CDCP1: variants seen among roughly 807,000 people sequenced by gnomAD.
CDCP1 encodes CUB domain-containing protein 1.
A neutral mutation model predicts 60.2 loss-of-function variants in CDCP1; 29 were observed. The ratio of observed to expected loss-of-function variants is 0.48; its 90% CI spans 0.36 to 0.66. The LOEUF is 0.66. CDCP1 is among the 30% of genes least tolerant of loss of function. The pLI is 0.00. For synonymous variants in CDCP1, 387 were observed against 431.1 expected (o/e 0.90, Z 1.27); for missense variants, 876 against 1,074.3 (o/e 0.82, Z 2.58).
At chr3:45,116,904 A>G (rs1439481866) in intron 2 of CDCP1, among the ~76,000 whole-genome samples, 1 of 152,198 alleles carries the variant, frequency 6.6e-6, no homozygotes, top group Admixed American at 6.5e-5. Context: ...CGTTATACAC[A>G]GTCTCTTACA....
At chr3:45,088,184 T>C (rs889299340) in intron 8 of CDCP1, among the ~76,000 whole-genome samples, 8 of 152,302 alleles carry the variant, frequency 5.3e-5, no homozygotes, top group Admixed American at 5.2e-4. Context: ...ATTTTCCTTT[T>C]ATAAAATAGA....
intron 1 of CDCP1, among the ~76,000 whole-genome samples, chr3:45,129,348 T>C (rs186457558): frequency 2.6e-5 from 4 of 152,302 alleles, no homozygotes; most frequent in African/African-American, 9.6e-5. Context: ...AATCACACCG[T>C]ATCGGTGAAG....
chr3:45,140,133 T>C (rs1240769600), intron 1 of CDCP1, among the ~76,000 whole-genome samples: 1 of 152,216 alleles, frequency 6.6e-6, no homozygotes, highest in African/African-American at 2.4e-5. Flanking sequence ...TTGCCAAGAA[T>C]TGAAGAAGCC....
At chr3:45,128,507 A>C (rs1253039134) in intron 1 of CDCP1, among the ~76,000 whole-genome samples, 2 of 152,214 alleles carry the variant, frequency 1.3e-5, no homozygotes. Context: ...ATAGTCTACT[A>C]TTTCCACAGC....
rs936453018 is a variant in CDCP1 at position 45,097,762 on chromosome 3, G to A, written c.1025-2194C>T. Among the ~76,000 whole-genome samples the A allele has an allele frequency of 7.7e-4, 118 of 152,264 alleles. 1 individual carries two copies. Among genetic ancestry groups the A allele is most frequent in the African/African-American group, 2.1e-3 (86 of 41,558 alleles). On this transcript the variant is annotated intron_variant, in intron 4 of 8. Transcript: ENST00000296129. ...CGGTGTCAAATTAGTAGCACAATTA[G>A]GAAAATGTTTTATGGCTGTCATATC...
At chr3:45,111,942 ACTT>A in intron 3 of CDCP1, 138 bp downstream of exon 3, 1 of 1,075,278 alleles carries the variant, frequency 9.3e-7, no homozygotes, top group Non-Finnish European at 1.3e-6. Context: ...GACCCATGTC[ACTT>A]ATAAGAGAGC....
Position 45,146,378 on chromosome 3 carries a change from T to G in CDCP1, c.-91A>C, listed in dbSNP as rs940249577. Reference sequence around the variant, plus strand: ...AGCCCGGCGCAGCTGCGCTCCGCCCTGGCTCACTCACCTGCGCGCGGGCGG... The same window carrying G: ...AGCCCGGCGCAGCTGCGCTCCGCCCGGGCTCACTCACCTGCGCGCGGGCGG... On this transcript the variant is annotated 5_prime_UTR_variant, in exon 1 of 9. Coordinates refer to ENST00000296129, the MANE Select transcript of CDCP1 (RefSeq NM_022842.5). 4.3e-6 allele frequency: 5 copies of G among 1,158,958 alleles called. No individual in the cohort carries two copies. Among genetic ancestry groups the G allele is most frequent in the Non-Finnish European group, 5.8e-6 (5 of 857,158 alleles). The allele number at this position is 1,158,958 out of a possible 1,614,324, so 71.8% of individuals were successfully genotyped here.
rs142170844 is a variant in CDCP1, at chr3:45,105,915, T to C, written c.1024+4558A>G. Among the ~76,000 whole-genome samples, 327 of 152,292 alleles carry C rather than the reference T, an allele frequency of 2.1e-3. 4 individuals are homozygous for C. Among genetic ancestry groups the C allele is most frequent in the Admixed American group, 0.019 (290 of 15,304 alleles). The stretch of plus-strand genomic sequence containing the variant: ...AAGATTTGTGTGGTAGAGGTGAACA[T>C]GAACTGAGCTCTCAGACACCCGTGG... On this transcript the variant is annotated intron_variant, in intron 4 of 8. Coordinates refer to ENST00000296129, the MANE Select transcript of CDCP1 (RefSeq NM_022842.5).
At position 45,125,394 on chromosome 3, in the gene CDCP1, G is replaced by A. The variant is rs776362361; in HGVS notation, c.83-6773C>T. ...ATCAAACTGTCTAGGGTCAATTCCCGGCACTACCACTCACCCAGATGTGCT... is the reference window on the plus strand; with the variant it reads ...ATCAAACTGTCTAGGGTCAATTCCCAGCACTACCACTCACCCAGATGTGCT... On this transcript the variant is annotated intron_variant, in intron 1 of 8. Transcript: ENST00000296129. Among the ~76,000 whole-genome samples the A allele has an allele frequency of 8.2e-4, 124 of 152,048 alleles. 3 individuals carry two copies. Among genetic ancestry groups the A allele is most frequent in the Admixed American group, 9.8e-4 (15 of 15,260 alleles).
At chr3:45,130,716 T>G (rs1349423591) in intron 1 of CDCP1, among the ~76,000 whole-genome samples, 2 of 152,240 alleles carry the variant, frequency 1.3e-5, no homozygotes, top group Non-Finnish European at 2.9e-5. Flanking sequence ...ATCTGAACCC[T>G]AAGTGCAGTG....
In CDCP1 at chr3:45,097,275, C is replaced by G. The variant is rs577619052; in HGVS notation, c.1025-1707G>C. ...TGAGCCGAGATCCCGCTATTTCACT[C>G]CAGCCTAGGCAATAGAGCAAGACTC... On this transcript the variant is annotated intron_variant, in intron 4 of 8. Transcript: ENST00000296129. Among the ~76,000 whole-genome samples the G allele has an allele frequency of 4.6e-4, 69 of 151,352 alleles. No homozygotes were observed. The South Asian group carries it at 0.014, about 32-fold the overall frequency.
At chr3:45,143,601 T>C (rs1363607498) in intron 1 of CDCP1, among the ~76,000 whole-genome samples, 1 of 152,218 alleles carries the variant, frequency 6.6e-6, no homozygotes, top group Non-Finnish European at 1.5e-5. Context: ...ATAGATAATT[T>C]TTTTCCATTT....
At chr3:45,108,967 T>TTTTTTG (rs1698638468) in intron 4 of CDCP1, among the ~76,000 whole-genome samples, 1 of 111,322 alleles carries the variant, frequency 9.0e-6, no homozygotes, top group Admixed American at 9.6e-5. Flanking sequence ...TTTTTTTTTT[T>TTTTTTG]GAGATGGAGT....
Position 45,118,305 on chromosome 3 carries a change from ATC to A in CDCP1, c.292+105_292+106del, listed in dbSNP as rs1698827000. 4.8e-6 allele frequency: 4 copies of A among 838,790 alleles called. No individual in the cohort carries two copies. The South Asian group carries it at 6.3e-5, about 13-fold the overall frequency. The allele number at this position is 838,790 out of a possible 1,614,324, so 52.0% of individuals were successfully genotyped here. A position where few individuals can be genotyped will look rare whatever the true frequency, so the allele number is the denominator to read the frequency against. On this transcript the variant is annotated intron_variant, in intron 2 of 8. Transcript: ENST00000296129. ...AAAAAACTGTAGAGTTTCAGAATAG[ATC>A]TTAGCTCTCTAGCATTAGAGACTGA... is the stretch of plus-strand genomic sequence containing the variant.
chr3:45,085,730 T>G lies in CDCP1; in HGVS notation c.2419A>C (p.Thr807Pro), dbSNP rs760085041. The change falls in exon 9 of 9, where the codon ACC (threonine) becomes CCC (proline). Residue 807 changes from threonine to proline, a missense_variant. By Grantham distance (38) the Thr-to-Pro change is conservative. Transcript: ENST00000296129. This position sits in a 1 kb window ranked among gnomAD's most constrained non-coding sequence, Gnocchi z 4.2. ...SPPESESEPYTFSHPNNGDVS... is the reference protein window; with the variant it reads ...SPPESESEPYPFSHPNNGDVS... ...TCCCCATTGTTGGGATGGGAGAAGG[T>G]GTACGGTTCACTCTCAGACTCAGGA... 1.3e-4 allele frequency: 208 copies of G among 1,613,936 alleles called. No homozygotes were observed. The highest frequency in any genetic ancestry group is 1.6e-4 in the Non-Finnish European group (189 of 1,180,004).
Position 45,110,647 on chromosome 3 carries a change from A to G in CDCP1, c.850T>C (p.Tyr284His). The G allele has an allele frequency of 6.2e-7, 1 of 1,614,174 alleles. No individual in the cohort carries two copies. The highest frequency in any genetic ancestry group is 8.5e-7 in the Non-Finnish European group (1 of 1,180,024). ...CERKEERVEY[Y>H]IPGSTTNPEV... ...GGGTTGGTGGTGGAGCCCGGGATGT[A>G]GTATTCAACCCGCTCCTCCTTCCTC... Residue 284 changes from tyrosine to histidine, a missense_variant, in exon 4 of 9, where the codon TAC (tyrosine) becomes CAC (histidine). Tyr to His is a moderately conservative substitution (Grantham distance 83). Transcript: ENST00000296129.
At chr3:45,099,052 C>T (rs1381068220) in intron 4 of CDCP1, among the ~76,000 whole-genome samples, 1 of 151,852 alleles carries the variant, frequency 6.6e-6, no homozygotes, top group African/African-American at 2.4e-5. Flanking sequence ...ATCTCCTTCA[C>T]TGTTATCATG....
rs1215979985 is a variant in CDCP1 at position 45,126,120 on chromosome 3, T to TTCTC, written c.83-7500_83-7499insGAGA. Among the ~76,000 whole-genome samples the TTCTC allele has an allele frequency of 1.5e-3, 182 of 117,582 alleles. 2 individuals are homozygous for TTCTC. In the East Asian group the frequency reaches 0.035, roughly 23 times the overall value. 77.1% of individuals were successfully genotyped at this position (117,582 alleles called of 152,430 possible). A position where few individuals can be genotyped will look rare whatever the true frequency, so the allele number is the denominator to read the frequency against. ...TCTTTGTCTCTCTCTCTTTCTTTCT[T>TTCTC]TCTTTCTTTCTTTCTTTCTTTCTTT... is the stretch of plus-strand genomic sequence containing the variant. On this transcript the variant is annotated intron_variant, in intron 1 of 8. Coordinates refer to ENST00000296129, the MANE Select transcript of CDCP1 (RefSeq NM_022842.5).
chr3:45,093,133 A>G (rs1483842325), intron 6 of CDCP1, 144 bp downstream of exon 6: 11 of 876,414 alleles, frequency 1.3e-5, no homozygotes, highest in African/African-American at 3.4e-5. Context: ...AGGACTCACT[A>G]TCTTTCAAAT....
Sources: allele counts gnomAD v4.1 joint callset (sites outside exome capture counted in the v4.1 genomes callset), GRCh38; gene constraint gnomAD v4.1.1; non-coding constraint Gnocchi (gnomAD v3.1); transcripts MANE v1.5; gene names NCBI Gene and HGNC (gene_info 2026-07-23, HGNC 2026-07-21).